Variants in STXBP4 observed in about 807,000 individuals in gnomAD.
STXBP4 encodes syntaxin-binding protein 4.
Under a neutral mutation model 76.1 loss-of-function variants are expected in STXBP4, and 55 were observed. The ratio of observed to expected loss-of-function variants is 0.72; its 90% CI spans 0.58 to 0.91. The LOEUF (loss-of-function observed/expected upper bound fraction) is 0.91. STXBP4 is among the 40% of genes least tolerant of loss of function. The pLI is 0.00. For missense variants in STXBP4, 618 were observed against 636.9 expected, an observed-to-expected ratio of 0.97 and a Z score of 0.32; for synonymous variants, 201 against 220.2, an observed-to-expected ratio of 0.91 and a Z score of 0.77.
chr17:55,121,984 G>A (rs244340), intron 16 of STXBP4, among the ~76,000 whole-genome samples: 95,134 of 151,792 alleles, frequency 0.63, 30,465 homozygotes, highest in African/African-American at 0.75. Flanking sequence ...CCTTCATGCT[G>A]TGTCTAGCAA....
chr17:55,051,160 A>T (rs866101040), intron 12 of STXBP4, among the ~76,000 whole-genome samples: 6 of 152,136 alleles, frequency 3.9e-5, no homozygotes, highest in Admixed American at 1.3e-4. Flanking sequence ...CTCTAAGAAT[A>T]CCTTTTCATG....
chr17:55,029,160 A>G (rs949121763), intron 8 of STXBP4, among the ~76,000 whole-genome samples: 7 of 152,162 alleles, frequency 4.6e-5, no homozygotes, highest in Non-Finnish European at 8.8e-5. Context: ...AAATAAGTGA[A>G]CTAGTTTTGC....
the STXBP4 span, among the ~76,000 whole-genome samples, chr17:55,197,242 A>T: frequency 2.0e-5 from 3 of 151,520 alleles, no homozygotes; most frequent in African/African-American, 7.3e-5. Flanking sequence ...GGATCTTCTT[A>T]GCTCTGCTTA....
chr17:55,050,668 T>C (rs991460258), intron 12 of STXBP4, among the ~76,000 whole-genome samples: 6 of 152,036 alleles, frequency 3.9e-5, no homozygotes, highest in Non-Finnish European at 8.8e-5. Context: ...TGGTATTCTT[T>C]TTGTTTGTTT....
At chr17:55,144,194 G>A (rs1170889209) in intron 17 of STXBP4, among the ~76,000 whole-genome samples, 1 of 152,154 alleles carries the variant, frequency 6.6e-6, no homozygotes, top group Non-Finnish European at 1.5e-5. Context: ...GTAAGAATAA[G>A]AAGTTGTCTT....
At chr17:55,061,783 G>T (rs1341616820) in intron 12 of STXBP4, among the ~76,000 whole-genome samples, 1 of 152,116 alleles carries the variant, frequency 6.6e-6, no homozygotes, top group South Asian at 2.1e-4. Context: ...ATTCCCTTGG[G>T]ATTCGTCTAG....
intron 10 of STXBP4, among the ~76,000 whole-genome samples, chr17:55,037,432 T>C (rs2144712915): frequency 6.6e-6 from 1 of 152,218 alleles, no homozygotes; most frequent in East Asian, 1.9e-4. Context: ...TATTTCCTCC[T>C]TACCAATATA....
At chr17:55,000,514 A>G (rs1046895543) in intron 6 of STXBP4, among the ~76,000 whole-genome samples, 2 of 152,224 alleles carry the variant, frequency 1.3e-5, no homozygotes, top group East Asian at 3.8e-4. Flanking sequence ...ACAGAGACAG[A>G]GTATAAGATT....
At chr17:55,185,749 G>A in the STXBP4 span, among the ~76,000 whole-genome samples, 1 of 152,168 alleles carries the variant, frequency 6.6e-6, no homozygotes, top group East Asian at 1.9e-4. Flanking sequence ...GGACCACAGA[G>A]GAGACAGACT....
Position 55,168,225 on chromosome 17 carries a change from ATATC to A in STXBP4, c.*8316_*8319del, listed in dbSNP as rs2080387348. 8.2e-6 allele frequency: 1 copy of A among 122,634 alleles called. No homozygotes were observed. Among genetic ancestry groups the A allele is most frequent in the Non-Finnish European group, 1.7e-5 (1 of 58,540 alleles). The allele number at this position is 122,634 out of a possible 1,614,324, so 7.6% of individuals were successfully genotyped here. A position where few individuals can be genotyped will look rare whatever the true frequency, so the allele number is the denominator to read the frequency against. ...TGTGTGTGTGTGTGTGTATATATAT[ATATC>A]TGTGTGTATATACACACCACACACA... is the stretch of plus-strand genomic sequence containing the variant. On this transcript the variant is annotated 3_prime_UTR_variant, in exon 18 of 18. Transcript: ENST00000376352.
chr17:55,174,592 G>T (rs2080422127), downstream of STXBP4, among the ~76,000 whole-genome samples: 1 of 152,032 alleles, frequency 6.6e-6, no homozygotes, highest in Admixed American at 6.5e-5. Flanking sequence ...CAAGTCCTTT[G>T]TCAGATATGT....
the STXBP4 span, among the ~76,000 whole-genome samples, chr17:55,205,666 G>A: frequency 1.3e-5 from 2 of 151,596 alleles, no homozygotes; most frequent in African/African-American, 4.8e-5. Context: ...CAACCTCATT[G>A]TATTAAAAAA....
At chr17:55,014,097 G>A (rs1201509407) in intron 8 of STXBP4, among the ~76,000 whole-genome samples, 11 of 152,150 alleles carry the variant, frequency 7.2e-5, no homozygotes, top group Admixed American at 7.2e-4. Context: ...CTGTTGCATG[G>A]TTTTACTAGA....
chr17:55,078,836 G>GACTATTTAAT, intron 15 of STXBP4, 101 bp downstream of exon 15: 2 of 708,894 alleles, frequency 2.8e-6, no homozygotes, highest in Non-Finnish European at 2.5e-6. Context: ...ATAGTCCTAA[G>GACTATTTAAT]GTGCTACATA....
rs1440778056 is a variant in STXBP4, at chr17:55,165,474, T to C, written c.*5563T>C. ...GCCCAATGTGGTCAACATTGGAGGA[T>C]TAGATTGATTTCTGTGAACCCAAAA... On this transcript the variant is annotated 3_prime_UTR_variant, in exon 18 of 18. Transcript: ENST00000376352. The C allele has an allele frequency of 1.3e-5, 2 of 152,076 alleles. No individual in the cohort carries two copies. The highest frequency in any genetic ancestry group is 4.8e-5 in the African/African-American group (2 of 41,318). 9.4% of individuals were successfully genotyped at this position (152,076 alleles called of 1,614,324 possible).
At chr17:55,031,762 A>G (rs577572958) in intron 9 of STXBP4, among the ~76,000 whole-genome samples, 1 of 152,284 alleles carries the variant, frequency 6.6e-6, no homozygotes, top group South Asian at 2.1e-4. Context: ...CAGAACCCAC[A>G]TATAGTAAAA....
chr17:55,128,738 C>A (rs974555231), intron 16 of STXBP4, among the ~76,000 whole-genome samples: 2 of 152,012 alleles, frequency 1.3e-5, no homozygotes, highest in African/African-American at 4.8e-5. Context: ...ACCTCAGCCT[C>A]CCAAGTAGCT....
At chr17:55,107,167 T>A (rs757880683) in intron 16 of STXBP4, among the ~76,000 whole-genome samples, 5 of 152,192 alleles carry the variant, frequency 3.3e-5, no homozygotes, top group Non-Finnish European at 5.9e-5. Context: ...CTTGTCATCA[T>A]GCTTTATTTC....
chr17:55,017,090 G>A (rs147025679), intron 8 of STXBP4, among the ~76,000 whole-genome samples: 10 of 152,270 alleles, frequency 6.6e-5, no homozygotes, highest in East Asian at 1.9e-4. Context: ...ATAGGGTCAC[G>A]GAGAAGACCT....
Sources: gnomAD v4.1 joint callset for allele counts (sites outside exome capture counted in the v4.1 genomes callset) on GRCh38, gnomAD v4.1.1 for gene constraint, MANE v1.5 for transcripts, NCBI Gene and HGNC (gene_info 2026-07-23, HGNC 2026-07-21) for gene names.